HCFC2: variants seen among roughly 807,000 people sequenced by gnomAD.
HCFC2 encodes host cell factor 2.
A neutral mutation model predicts 89.2 loss-of-function variants in HCFC2; 18 were observed. The observed-to-expected ratio is 0.20, with a 90% CI of 0.14 to 0.30. HCFC2 has a LOEUF of 0.30. Ranked by LOEUF, HCFC2 falls within the 10% of genes least tolerant of loss-of-function variation. The probability of loss-of-function intolerance (pLI) is 1.00; values close to 1 mark genes in which losing one functional copy is unlikely to be tolerated. For missense variants in HCFC2, 578 were observed against 956.1 expected, an observed-to-expected ratio of 0.60 and a Z score of 5.21; for synonymous variants, 308 against 335.7, an observed-to-expected ratio of 0.92 and a Z score of 0.90.
chr12:104,076,493 C>T (rs1418567773), intron 3 of HCFC2, among the ~76,000 whole-genome samples: 1 of 152,176 alleles, frequency 6.6e-6, no homozygotes, highest in Non-Finnish European at 1.5e-5. Flanking sequence ...TGGCTGATAT[C>T]CATTCTCAAC....
intron 5 of HCFC2, among the ~76,000 whole-genome samples, chr12:104,082,085 G>A (rs1477055269): frequency 6.6e-6 from 1 of 152,088 alleles, no homozygotes; most frequent in Non-Finnish European, 1.5e-5. Context: ...TTGTTTAAGT[G>A]ATATCAATGA....
In HCFC2 at chr12:104,064,778, G is replaced by A; in HGVS notation, c.163+55G>A. The A allele has an allele frequency of 2.7e-6, 4 of 1,492,540 alleles. No individual in the cohort carries two copies. Among genetic ancestry groups the A allele is most frequent in the Non-Finnish European group, 3.6e-6 (4 of 1,120,634 alleles). The allele number at this position is 1,492,540 out of a possible 1,614,324, so 92.5% of individuals were successfully genotyped here. A position where few individuals can be genotyped will look rare whatever the true frequency, so the allele number is the denominator to read the frequency against. Reference sequence around the variant, plus strand: ...CCTGCTGGAGCTGCGGAGGGGGAGGGGAGGCGAGGCGGCGGCCGCGGCCCT... The same window carrying A: ...CCTGCTGGAGCTGCGGAGGGGGAGGAGAGGCGAGGCGGCGGCCGCGGCCCT... On this transcript the variant is annotated intron_variant, in intron 1 of 14. Transcript: ENST00000229330. This position sits in a 1 kb window ranked among gnomAD's most constrained non-coding sequence, Gnocchi z 7.3.
chr12:104,099,233 A>G (rs754936566), intron 13 of HCFC2, among the ~76,000 whole-genome samples: 2 of 152,054 alleles, frequency 1.3e-5, no homozygotes, highest in Non-Finnish European at 2.9e-5. Context: ...AGAACTCACT[A>G]TACAATACTA....
In HCFC2 at chr12:104,096,344, A is replaced by G. The variant is rs1359034061; in HGVS notation, c.1667-16A>G. ...AAGTTATGTAAATCTTATCTGATAA[A>G]TTGTTTAATTTTTAGTTGATGAAAC... On this transcript the variant is annotated splice_polypyrimidine_tract_variant and intron_variant, in intron 11 of 14. Coordinates refer to ENST00000229330, the MANE Select transcript of HCFC2 (RefSeq NM_013320.3). 1.3e-6 allele frequency: 2 copies of G among 1,559,702 alleles called. No individual in the cohort carries two copies. Among genetic ancestry groups the G allele is most frequent in the East Asian group, 2.2e-5 (1 of 44,482 alleles).
chr12:104,089,721 GT>G (rs1386558409), intron 9 of HCFC2, among the ~76,000 whole-genome samples: 10 of 152,246 alleles, frequency 6.6e-5, no homozygotes, highest in African/African-American at 1.2e-4. Flanking sequence ...TGTTTACACT[GT>G]GATGGTGAAA....
intron 9 of HCFC2, among the ~76,000 whole-genome samples, chr12:104,089,144 G>A (rs914888998): frequency 9.2e-5 from 14 of 152,198 alleles, no homozygotes; most frequent in Middle Eastern, 3.4e-3. Flanking sequence ...TGCATCCTGC[G>A]AATACTGTAT....
intron 5 of HCFC2, 68 bp from the exon 6 acceptor site, chr12:104,082,432 T>A: frequency 1.0e-6 from 1 of 1,000,260 alleles, no homozygotes; most frequent in Non-Finnish European, 1.6e-6. Context: ...TTTTCTATTC[T>A]TAGCACTTCA....
At chr12:104,102,768 G>C in intron 14 of HCFC2, among the ~76,000 whole-genome samples, 191 bp from the exon 15 acceptor site, 1 of 152,084 alleles carries the variant, frequency 6.6e-6, no homozygotes, top group Admixed American at 6.6e-5. Flanking sequence ...TTTTTGAAAA[G>C]CAAGCATGAA....
intron 11 of HCFC2, among the ~76,000 whole-genome samples, 186 bp from the exon 12 acceptor site, chr12:104,096,174 T>A (rs1208694308): frequency 1.3e-5 from 2 of 152,206 alleles, no homozygotes; most frequent in Non-Finnish European, 2.9e-5. Flanking sequence ...TTACTACTTA[T>A]TGTAAATAAT....
chr12:104,079,618 G>T lies in HCFC2; in HGVS notation c.647G>T (p.Gly216Val). The T allele has an allele frequency of 6.2e-7, 1 of 1,614,086 alleles. No individual in the cohort carries two copies. Among genetic ancestry groups the T allele is most frequent in the Non-Finnish European group, 8.5e-7 (1 of 1,180,000 alleles). ...ATGTATGTTTTTGGTGGAATGTGTG[G>T]TGCTCGCCTGGATGACCTATGGCAG... is the stretch of plus-strand genomic sequence containing the variant. Reference protein sequence around the residue: ...PKMYVFGGMCGARLDDLWQLD... With the variant: ...PKMYVFGGMCVARLDDLWQLD... The change falls in exon 4 of 15, where the codon GGT becomes GTT. Residue 216 changes from glycine (G) to valine (V), a missense_variant. This residue lies in a region of HCFC2 where 206 missense variants were observed against 419.2 expected (regional missense o/e 0.49). Coordinates refer to ENST00000229330, the MANE Select transcript of HCFC2 (RefSeq NM_013320.3).
At chr12:104,065,660 T>A (rs1883085859) in intron 1 of HCFC2, among the ~76,000 whole-genome samples, 1 of 152,208 alleles carries the variant, frequency 6.6e-6, no homozygotes, top group Admixed American at 6.5e-5. Context: ...GGTAAAAAGT[T>A]ACTGACACTT....
chr12:104,079,416 A>G (rs1388153768), intron 3 of HCFC2, 29 bp from the exon 4 acceptor site: 2 of 1,492,572 alleles, frequency 1.3e-6, no homozygotes, highest in Non-Finnish European at 1.9e-6. Context: ...TATTATCTGA[A>G]TGTTTTAATT....
At chr12:104,075,457 C>CT (rs35657094) in intron 3 of HCFC2, among the ~76,000 whole-genome samples, 81,669 of 117,970 alleles carry the variant, frequency 0.69, 29,196 homozygotes, top group Middle Eastern at 0.76. Context: ...TGTTCCTAAC[C>CT]TTTTTTTTTT....
chr12:104,078,742 C>T (rs530641382), intron 3 of HCFC2, among the ~76,000 whole-genome samples: 126 of 152,134 alleles, frequency 8.3e-4, no homozygotes, highest in African/African-American at 2.9e-3. Context: ...GAATAATAAC[C>T]ATTTGATTAT....
intron 10 of HCFC2, among the ~76,000 whole-genome samples, chr12:104,094,541 T>C (rs936588695): frequency 6.6e-6 from 1 of 151,990 alleles, no homozygotes; most frequent in Non-Finnish European, 1.5e-5. Context: ...GGAAAAAAAA[T>C]AGCTTCAAAA....
intron 9 of HCFC2, among the ~76,000 whole-genome samples, chr12:104,089,490 T>C (rs1227945859): frequency 1.3e-5 from 2 of 152,156 alleles, no homozygotes; most frequent in African/African-American, 4.8e-5. Context: ...CACTCCAGCC[T>C]GGGTGACCGA....
At chr12:104,090,359 A>G (rs935410269) in intron 9 of HCFC2, among the ~76,000 whole-genome samples, 3 of 151,958 alleles carry the variant, frequency 2.0e-5, no homozygotes, top group African/African-American at 7.3e-5. Context: ...TTATCTTTTT[A>G]TCCCCAGTAT....
chr12:104,066,107 T>C (rs961391922), intron 1 of HCFC2, 60 bp from the exon 2 acceptor site: 1 of 1,495,670 alleles, frequency 6.7e-7, no homozygotes, highest in Non-Finnish European at 9.2e-7. Context: ...ATATATTTGC[T>C]GATAGTATAT....
Position 104,095,219 on chromosome 12 carries a change from A to C in HCFC2, c.1463-141A>C. On this transcript the variant is annotated intron_variant, in intron 10 of 14. Coordinates refer to ENST00000229330, the MANE Select transcript of HCFC2 (RefSeq NM_013320.3). This position sits in a 1 kb window ranked among gnomAD's most constrained non-coding sequence, Gnocchi z 4.2. ...TTTCTAAACATTTTATGCCTAATGG[A>C]TAATTCATACTAATACCATTTGTGG... The C allele has an allele frequency of 1.6e-6, 1 of 641,998 alleles. No individual in the cohort carries two copies. The highest frequency in any genetic ancestry group is 2.0e-5 in the South Asian group (1 of 49,390). The allele number at this position is 641,998 out of a possible 1,614,324, so 39.8% of individuals were successfully genotyped here. A position where few individuals can be genotyped will look rare whatever the true frequency, so the allele number is the denominator to read the frequency against.
Sources: gnomAD v4.1 joint callset for allele counts (sites outside exome capture counted in the v4.1 genomes callset) on GRCh38, gnomAD v4.1.1 for gene constraint, gnomAD v4.1.1 regional missense constraint, Gnocchi (gnomAD v3.1) non-coding constraint, MANE v1.5 for transcripts, NCBI Gene and HGNC (gene_info 2026-07-23, HGNC 2026-07-21) for gene names.